Variants in ATP8B4 observed in about 807,000 individuals in gnomAD.
ATP8B4 encodes probable phospholipid-transporting ATPase IM.
In ATP8B4, 133 loss-of-function variants were observed where a neutral mutation model predicts 145.6. That is an observed-to-expected ratio of 0.91 (90% CI 0.79 to 1.05). ATP8B4 has a LOEUF of 1.05. Among genes scored for constraint, ATP8B4 ranks in the 50% least tolerant of loss-of-function variants. The pLI is 0.00. For missense variants in ATP8B4, 1,458 were observed against 1,425.2 expected, an observed-to-expected ratio of 1.02 and a Z score of -0.37; for synonymous variants, 507 against 492.9, an observed-to-expected ratio of 1.03 and a Z score of -0.38.
intron 2 of ATP8B4, among the ~76,000 whole-genome samples, chr15:50,083,003 G>C (rs1039548271): frequency 6.6e-6 from 1 of 152,214 alleles, no homozygotes; most frequent in Non-Finnish European, 1.5e-5. Flanking sequence ...ACAGTGCATA[G>C]ATGACTGGGA....
chr15:49,933,604 CATCTGCATCTAT>C (rs1342850657), intron 15 of ATP8B4, among the ~76,000 whole-genome samples: 4 of 152,032 alleles, frequency 2.6e-5, no homozygotes, highest in Non-Finnish European at 4.4e-5. Context: ...GTCTGAAGGT[CATCTGCATCTAT>C]TAGATATGCA....
In ATP8B4 at chr15:50,130,940, ACT is replaced by A. The variant is rs1352516636; in HGVS notation, c.-42-23934_-42-23933del. Among the ~76,000 whole-genome samples, 3 of 152,246 alleles carry A rather than the reference ACT, an allele frequency of 2.0e-5. No individual in the cohort carries two copies. The East Asian group carries it at 5.8e-4, about 29-fold the overall frequency. On this transcript the variant is annotated intron_variant, in intron 1 of 3. Coordinates refer to the ATP8B4 transcript ENST00000558829. ...TTTATAAACAAAAGAGGTGTAATTGACTCACAGTTTCAGCATGGCTGGGGAGT... is the reference window on the plus strand; with the variant it reads ...TTTATAAACAAAAGAGGTGTAATTGACACAGTTTCAGCATGGCTGGGGAGT...
Position 49,860,109 on chromosome 15 carries a change from C to G in ATP8B4, c.*85G>C. On this transcript the variant is annotated 3_prime_UTR_variant, in exon 28 of 28. Coordinates refer to ENST00000284509, the MANE Select transcript of ATP8B4 (RefSeq NM_024837.4). Reference sequence around the variant, plus strand: ...GGCAATCTGCCTGCCCCACCTCTTGCCTCAAATCTCAAACTCTGGAGCCAG... The same window carrying G: ...GGCAATCTGCCTGCCCCACCTCTTGGCTCAAATCTCAAACTCTGGAGCCAG... 6.8e-7 allele frequency: 1 copy of G among 1,479,884 alleles called. No homozygotes were observed. Among genetic ancestry groups the G allele is most frequent in the Non-Finnish European group, 9.1e-7 (1 of 1,101,098 alleles). 91.7% of individuals were successfully genotyped at this position (1,479,884 alleles called of 1,614,324 possible).
intron 3 of ATP8B4, among the ~76,000 whole-genome samples, chr15:50,067,367 A>G (rs779577484): frequency 1.5e-4 from 23 of 152,048 alleles, no homozygotes; most frequent in Admixed American, 3.3e-4. Context: ...CCCAAACCAT[A>G]ATTCCTCATG....
chr15:49,944,588 G>A (rs1017747185), intron 14 of ATP8B4, among the ~76,000 whole-genome samples: 1 of 152,092 alleles, frequency 6.6e-6, no homozygotes, highest in Non-Finnish European at 1.5e-5. Context: ...CAGAACTGAA[G>A]GGAGACTTAG....
intron 23 of ATP8B4, 200 bp downstream of exon 23, chr15:49,897,092 A>G: frequency 1.9e-6 from 1 of 531,460 alleles, no homozygotes; most frequent in Non-Finnish European, 3.3e-6. Flanking sequence ...ATAAATAAAT[A>G]AAATTCCAGC....
At chr15:50,172,817 T>C (rs1407711881) in intron 1 of ATP8B4, among the ~76,000 whole-genome samples, 29 of 138,102 alleles carry the variant, frequency 2.1e-4, no homozygotes, top group Admixed American at 1.2e-3. Flanking sequence ...AAATGAGGAG[T>C]GTCTCTGCCC....
chr15:50,019,248 A>C (rs892388984), intron 6 of ATP8B4, among the ~76,000 whole-genome samples: 4 of 152,210 alleles, frequency 2.6e-5, no homozygotes, highest in African/African-American at 9.7e-5. Flanking sequence ...AGAAGAGTAC[A>C]TGTTGTAGAA....
At chr15:50,134,574 T>C (rs1186145895) in intron 1 of ATP8B4, among the ~76,000 whole-genome samples, 1 of 152,220 alleles carries the variant, frequency 6.6e-6, no homozygotes, top group Non-Finnish European at 1.5e-5. Flanking sequence ...GTGGAGTGCA[T>C]AGGAGATAAC....
intron 1 of ATP8B4, among the ~76,000 whole-genome samples, chr15:50,174,013 C>T (rs2044727350): frequency 6.6e-6 from 1 of 152,196 alleles, no homozygotes; most frequent in African/African-American, 2.4e-5. Flanking sequence ...AAATGTCACA[C>T]ATGACATAAA....
intron 12 of ATP8B4, among the ~76,000 whole-genome samples, chr15:49,974,508 C>T (rs911420678): frequency 6.6e-6 from 1 of 151,850 alleles, no homozygotes; most frequent in Non-Finnish European, 1.5e-5. Flanking sequence ...GGACTGCATG[C>T]ACCACCACAG....
At chr15:50,132,594 G>C (rs2044062293) in intron 1 of ATP8B4, among the ~76,000 whole-genome samples, 1 of 152,156 alleles carries the variant, frequency 6.6e-6, no homozygotes, top group South Asian at 2.1e-4. Flanking sequence ...ATTTGACCCA[G>C]CAATCCCATT....
rs2048677404 is a variant in ATP8B4 at position 50,010,870 on chromosome 15, T to G, written c.410A>C (p.Lys137Thr). ...AGCAACAAATTGGTTATTTTCTAAT[T>G]TAATGATGTCTCCCACTTTGACATT... Reference protein sequence around the residue: ...WMNVKVGDIIKLENNQFVAAD... With the variant: ...WMNVKVGDIITLENNQFVAAD... The change falls in exon 7 of 28, where the codon AAA (lysine) becomes ACA (threonine). Residue 137 changes from lysine (K) to threonine (T), a missense_variant. Lys to Thr is a moderately conservative substitution (Grantham distance 78, BLOSUM62 -1). Coordinates refer to ENST00000284509, the MANE Select transcript of ATP8B4 (RefSeq NM_024837.4). 1 of 1,565,880 alleles carries G rather than the reference T, an allele frequency of 6.4e-7. No homozygotes were observed. The highest frequency in any genetic ancestry group is 1.2e-5 in the South Asian group (1 of 84,744).
intron 20 of ATP8B4, chr15:49,908,059 G>A (rs903329136): frequency 1.8e-5 from 8 of 455,876 alleles, no homozygotes; most frequent in Middle Eastern, 6.5e-4. Flanking sequence ...TATATACTTC[G>A]ACTTCCTCAT....
chr15:49,877,875 T>C (rs1284557251), intron 24 of ATP8B4, among the ~76,000 whole-genome samples: 1 of 152,216 alleles, frequency 6.6e-6, no homozygotes, highest in Non-Finnish European at 1.5e-5. Context: ...AGCAATAATG[T>C]AGCAACCTCA....
At chr15:49,981,415 A>G (rs1444415765) in intron 10 of ATP8B4, 121 bp from the exon 11 acceptor site, 1 of 765,382 alleles carries the variant, frequency 1.3e-6, no homozygotes, top group Admixed American at 3.0e-5. Flanking sequence ...TTTAACTTTT[A>G]TTAAGAGCAA....
intron 27 of ATP8B4, among the ~76,000 whole-genome samples, chr15:49,861,576 A>T (rs944214778): frequency 5.3e-5 from 8 of 152,150 alleles, no homozygotes; most frequent in African/African-American, 1.9e-4. Context: ...TGACATGGCT[A>T]TGAATGTTTG....
chr15:50,095,668 T>C (rs1454146416), intron 2 of ATP8B4, among the ~76,000 whole-genome samples: 4 of 151,724 alleles, frequency 2.6e-5, no homozygotes, highest in Non-Finnish European at 5.9e-5. Flanking sequence ...AGTGGGAGGA[T>C]CATTTGAGCC....
At chr15:50,140,798 G>A (rs1184208051) in intron 1 of ATP8B4, among the ~76,000 whole-genome samples, 1 of 152,086 alleles carries the variant, frequency 6.6e-6, no homozygotes, top group African/African-American at 2.4e-5. Flanking sequence ...CAAAACATAG[G>A]GACTTTTAGG....
Sources: allele counts gnomAD v4.1 joint callset (sites outside exome capture counted in the v4.1 genomes callset), GRCh38; gene constraint gnomAD v4.1.1; transcripts MANE v1.5; gene names NCBI Gene and HGNC (gene_info 2026-07-23, HGNC 2026-07-21).